ACTR2: variants seen among roughly 807,000 people sequenced by gnomAD.
The protein encoded by ACTR2 is actin related protein 2.
In ACTR2, 5 loss-of-function variants were observed where a neutral mutation model predicts 50.2. The ratio of observed to expected loss-of-function variants is 0.10; its 90% confidence interval spans 0.05 to 0.21. ACTR2 has a LOEUF of 0.21. Ranked by LOEUF, ACTR2 falls within the 10% of genes least tolerant of loss-of-function variation. The pLI, the probability that ACTR2 is intolerant of heterozygous loss-of-function variation, is 1.00. For missense variants in ACTR2, 180 were observed against 480.6 expected (o/e 0.37, Z 5.85); for synonymous variants, 140 against 162.9 (o/e 0.86, Z 1.07).
intron 4 of ACTR2, 124 bp downstream of exon 4, chr2:65,251,223 C>T (rs1672043224): frequency 2.1e-6 from 1 of 476,618 alleles, no homozygotes; most frequent in African/African-American, 2.0e-5. Flanking sequence ...TTATATACCA[C>T]ACTTTGAAAT....
chr2:65,232,602 G>A (rs1261404810), intron 1 of ACTR2, among the ~76,000 whole-genome samples: 1 of 152,042 alleles, frequency 6.6e-6, no homozygotes, highest in African/African-American at 2.4e-5. Context: ...ATTAGTAAGG[G>A]GAAAATAAAT....
At chr2:65,240,558 C>T (rs577377997) in intron 2 of ACTR2, among the ~76,000 whole-genome samples, 1 of 152,062 alleles carries the variant, frequency 6.6e-6, no homozygotes, top group African/African-American at 2.4e-5. Flanking sequence ...ATTGCCTACT[C>T]GCTGTATTTA....
intron 6 of ACTR2, among the ~76,000 whole-genome samples, chr2:65,255,945 T>G (rs1327718095): frequency 1.3e-5 from 2 of 152,210 alleles, no homozygotes; most frequent in Non-Finnish European, 2.9e-5. Flanking sequence ...TGCGAGATGT[T>G]ATTTTGAGAT....
At chr2:65,253,931 G>C in intron 5 of ACTR2, 67 bp downstream of exon 5, 1 of 1,379,912 alleles carries the variant, frequency 7.2e-7, no homozygotes, top group Non-Finnish European at 1.0e-6. Context: ...ACACAGAATT[G>C]AATCTATCGT....
Position 65,268,551 on chromosome 2 carries a change from C to A in ACTR2, c.1015-13C>A. 1 of 1,607,686 alleles carries A rather than the reference C, an allele frequency of 6.2e-7. No homozygotes were observed. Among genetic ancestry groups the A allele is most frequent in the Non-Finnish European group, 8.5e-7 (1 of 1,177,740 alleles). On this transcript the variant is annotated splice_polypyrimidine_tract_variant and intron_variant, in intron 8 of 8. Coordinates refer to ENST00000260641, the MANE Select transcript of ACTR2 (RefSeq NM_005722.4). Reference sequence around the variant, plus strand: ...CACATGTACCATTTCATTATCCTTTCTTTCTCCTTTAGAAATTTAAGATCC... The same window carrying A: ...CACATGTACCATTTCATTATCCTTTATTTCTCCTTTAGAAATTTAAGATCC...
intron 4 of ACTR2, 94 bp from the exon 5 acceptor site, chr2:65,253,634 G>A (rs760135923): frequency 8.6e-6 from 11 of 1,282,796 alleles, no homozygotes; most frequent in Non-Finnish European, 1.1e-5. Context: ...AGTTGGTTAC[G>A]TTTCTGTTTT....
chr2:65,245,975 T>C (rs1045478678), intron 2 of ACTR2, among the ~76,000 whole-genome samples: 11 of 139,654 alleles, frequency 7.9e-5, no homozygotes, highest in Admixed American at 7.5e-5. Flanking sequence ...TTCAGGCATA[T>C]GTAGATAGAA....
chr2:65,253,094 G>C (rs963037906), intron 4 of ACTR2, among the ~76,000 whole-genome samples: 1 of 152,018 alleles, frequency 6.6e-6, no homozygotes, highest in Non-Finnish European at 1.5e-5. Context: ...GTTATTTGTA[G>C]TATATTCAAA....
intron 3 of ACTR2, among the ~76,000 whole-genome samples, chr2:65,250,002 C>G (rs1672013503): frequency 6.6e-6 from 1 of 152,130 alleles, no homozygotes; most frequent in Non-Finnish European, 1.5e-5. Context: ...GAGCTACACT[C>G]TTGGCCCAGA....
At chr2:65,230,663 G>A (rs1291693183) in intron 1 of ACTR2, among the ~76,000 whole-genome samples, 6 of 151,914 alleles carry the variant, frequency 3.9e-5, no homozygotes, top group African/African-American at 1.4e-4. Context: ...TGCCCACTGC[G>A]GCCTCCTAAA....
intron 7 of ACTR2, among the ~76,000 whole-genome samples, chr2:65,262,817 G>A (rs1672295094): frequency 6.6e-6 from 1 of 151,600 alleles, no homozygotes; most frequent in South Asian, 2.1e-4. Flanking sequence ...AAAAAGATTA[G>A]CCAGGTATGG....
intron 7 of ACTR2, among the ~76,000 whole-genome samples, 165 bp from the exon 8 acceptor site, chr2:65,264,878 G>A (rs186372196): frequency 3.4e-4 from 52 of 152,200 alleles, no homozygotes; most frequent in Admixed American, 3.4e-3. Flanking sequence ...AAGAGGGGTC[G>A]TTACTTCACA....
intron 2 of ACTR2, chr2:65,242,720 G>A (rs1671863795): frequency 2.1e-6 from 1 of 470,066 alleles, no homozygotes; most frequent in Non-Finnish European, 4.2e-6. Flanking sequence ...ATAACTATAA[G>A]CTTGCTGGTC....
chr2:65,229,208 G>A (rs1671589998), intron 1 of ACTR2, among the ~76,000 whole-genome samples: 1 of 152,112 alleles, frequency 6.6e-6, no homozygotes, highest in Non-Finnish European at 1.5e-5. Context: ...GACTTCTATA[G>A]TGATTTCTAA....
intron 5 of ACTR2, among the ~76,000 whole-genome samples, 165 bp from the exon 6 acceptor site, chr2:65,255,380 T>A (rs553558767): frequency 6.6e-6 from 1 of 152,294 alleles, no homozygotes; most frequent in Admixed American, 6.5e-5. Context: ...GAAATATAAA[T>A]CCTTTTATGG....
chr2:65,261,183 TC>T, intron 6 of ACTR2, 63 bp from the exon 7 acceptor site: 2 of 1,561,992 alleles, frequency 1.3e-6, no homozygotes, highest in Non-Finnish European at 1.8e-6. Flanking sequence ...GTACTAGTGT[TC>T]CGGAGAACAC....
At chr2:65,239,738 G>A in intron 1 of ACTR2, 114 bp from the exon 2 acceptor site, 1 of 710,240 alleles carries the variant, frequency 1.4e-6, no homozygotes, top group South Asian at 1.6e-5. Flanking sequence ...TGGACTGAAA[G>A]CACCAAAAGT....
intron 4 of ACTR2, among the ~76,000 whole-genome samples, chr2:65,253,456 A>G (rs1672090662): frequency 6.6e-6 from 1 of 151,904 alleles, no homozygotes; most frequent in Admixed American, 6.6e-5. Flanking sequence ...AAAAAAAAAA[A>G]GGAAAAAAAA....
At chr2:65,240,567 T>G (rs546331270) in intron 2 of ACTR2, among the ~76,000 whole-genome samples, 2 of 152,294 alleles carry the variant, frequency 1.3e-5, no homozygotes, top group East Asian at 3.9e-4. Flanking sequence ...TCGCTGTATT[T>G]AAGATGAAAG....
Sources: allele counts gnomAD v4.1 joint callset (sites outside exome capture counted in the v4.1 genomes callset), GRCh38; gene constraint gnomAD v4.1.1; transcripts MANE v1.5; gene names NCBI Gene and HGNC (gene_info 2026-07-23, HGNC 2026-07-21).